The following CPT1A variants were observed in gnomAD, a reference collection of about 807,000 sequenced individuals.
The protein encoded by CPT1A is carnitine palmitoyltransferase 1A, also known as carnitine O-palmitoyltransferase 1, liver isoform.
In CPT1A, 64 loss-of-function variants were observed where a neutral mutation model predicts 100.8. That is an observed-to-expected ratio of 0.63 (90% CI 0.52 to 0.78). CPT1A has a LOEUF of 0.78. CPT1A is among the 30% of genes least tolerant of loss of function. CPT1A has a pLI of 0.00. For synonymous variants in CPT1A, 363 were observed against 396.0 expected (o/e 0.92, Z 0.99); for missense variants, 802 against 1,034.1 (o/e 0.78, Z 3.08).
chr11:68,804,459 G>A (rs1178533737), intron 4 of CPT1A, among the ~76,000 whole-genome samples: 1 of 152,100 alleles, frequency 6.6e-6, no homozygotes, highest in Non-Finnish European at 1.5e-5. Context: ...ATGGTGGCAT[G>A]TGCCTGTTGT....
At chr11:68,827,896 G>A (rs11828395) in intron 1 of CPT1A, among the ~76,000 whole-genome samples, 1 of 152,128 alleles carries the variant, frequency 6.6e-6, no homozygotes, top group Non-Finnish European at 1.5e-5. Context: ...CCCTGGCCCT[G>A]CTGTCCTGCA....
chr11:68,801,596 C>A lies in CPT1A; in HGVS notation c.556-2241G>T, dbSNP rs192117937. Reference sequence around the variant, plus strand: ...AGTGAGCTGAGATCATGCCACTGCACCCTAGCCTGGGTGACAGAGCAAGAC... The same window carrying A: ...AGTGAGCTGAGATCATGCCACTGCAACCTAGCCTGGGTGACAGAGCAAGAC... On this transcript the variant is annotated intron_variant, in intron 5 of 18. Transcript: ENST00000265641. Among the ~76,000 whole-genome samples, 550 of 149,668 alleles carry A rather than the reference C, an allele frequency of 3.7e-3. 1 individual carries two copies. The highest frequency in any genetic ancestry group is 6.5e-3 in the Non-Finnish European group (442 of 67,860).
At chr11:68,822,107 G>A (rs947692962) in intron 1 of CPT1A, among the ~76,000 whole-genome samples, 6 of 152,138 alleles carry the variant, frequency 3.9e-5, no homozygotes, top group African/African-American at 9.7e-5. Flanking sequence ...GCCTGGCACC[G>A]TGGCTCACAC....
chr11:68,773,625 T>TA (rs1855056870), intron 13 of CPT1A, 196 bp from the exon 14 acceptor site: 3 of 901,004 alleles, frequency 3.3e-6, no homozygotes, highest in Non-Finnish European at 4.9e-6. Flanking sequence ...GCTGCAATGT[T>TA]ATAGCAGGTA....
chr11:68,795,044 G>C, intron 7 of CPT1A, 133 bp from the exon 8 acceptor site: 1 of 724,294 alleles, frequency 1.4e-6, no homozygotes, highest in South Asian at 1.5e-5. Flanking sequence ...GGTTACATCT[G>C]CAATGCTACA....
At chr11:68,785,450 A>C (rs1855431981) in intron 9 of CPT1A, among the ~76,000 whole-genome samples, 1 of 151,408 alleles carries the variant, frequency 6.6e-6, no homozygotes, top group African/African-American at 2.4e-5. Context: ...AGTCCCAGCT[A>C]CTCGGGAGGC....
intron 1 of CPT1A, among the ~76,000 whole-genome samples, chr11:68,819,332 G>C (rs756661801): frequency 6.6e-6 from 1 of 152,070 alleles, no homozygotes; most frequent in African/African-American, 2.4e-5. Flanking sequence ...CGCCCACCTC[G>C]GCCTCCCAAA....
chr11:68,800,392 G>A (rs1258583434), intron 5 of CPT1A, among the ~76,000 whole-genome samples: 8 of 151,402 alleles, frequency 5.3e-5, no homozygotes, highest in Admixed American at 2.6e-4. Flanking sequence ...TGTAATCCCA[G>A]CACTTTGAGA....
intron 15 of CPT1A, among the ~76,000 whole-genome samples, 194 bp from the exon 16 acceptor site, chr11:68,761,881 G>T (rs947846406): frequency 5.9e-5 from 9 of 152,136 alleles, no homozygotes; most frequent in Non-Finnish European, 1.2e-4. Flanking sequence ...AAAGTACTGG[G>T]ATTACAGGCG....
chr11:68,821,872 G>GC (rs1371286020), intron 1 of CPT1A, among the ~76,000 whole-genome samples: 3 of 152,132 alleles, frequency 2.0e-5, no homozygotes, highest in Non-Finnish European at 4.4e-5. Context: ...GGGGACCACT[G>GC]CAAGTGTAAG....
At chr11:68,837,809 G>T (rs992973700) in intron 1 of CPT1A, among the ~76,000 whole-genome samples, 1 of 151,972 alleles carries the variant, frequency 6.6e-6, no homozygotes. Context: ...CTGGACAACA[G>T]AGCAAGACCT....
intron 1 of CPT1A, among the ~76,000 whole-genome samples, chr11:68,831,020 T>C (rs1856863006): frequency 6.6e-6 from 1 of 152,200 alleles, no homozygotes; most frequent in Non-Finnish European, 1.5e-5. Flanking sequence ...TGATAACACA[T>C]CTTCAATTTT....
intron 9 of CPT1A, among the ~76,000 whole-genome samples, chr11:68,788,937 C>T (rs764689049): frequency 6.6e-6 from 1 of 152,182 alleles, no homozygotes; most frequent in Admixed American, 6.5e-5. Flanking sequence ...CAAGCCAATT[C>T]TAGGTGCCTG....
intron 1 of CPT1A, among the ~76,000 whole-genome samples, chr11:68,835,979 G>C (rs115481896): frequency 6.1e-4 from 93 of 152,286 alleles, no homozygotes; most frequent in African/African-American, 2.2e-3. Context: ...CTTTCCAACT[G>C]TAGCCCTGTG....
At chr11:68,757,823 T>C (rs1012931560) in intron 18 of CPT1A, 93 bp from the exon 19 acceptor site, 10 of 1,054,076 alleles carry the variant, frequency 9.5e-6, no homozygotes, top group South Asian at 5.1e-5. Flanking sequence ...CAATGTTTCA[T>C]TGAAATTCCT....
chr11:68,780,955 G>A (rs146029949), intron 11 of CPT1A, among the ~76,000 whole-genome samples: 26 of 152,292 alleles, frequency 1.7e-4, no homozygotes, highest in African/African-American at 6.0e-4. Flanking sequence ...ACACAAAGAT[G>A]AGCGCTTATA....
At position 68,754,958 on chromosome 11, in the gene CPT1A, G is replaced by A. The variant is rs185442467; in HGVS notation, c.*2686C>T. On this transcript the variant is annotated 3_prime_UTR_variant, in exon 19 of 19. Transcript: ENST00000265641. ...TGCATTTCTAAGATTTACATCCAAAGAGCATACTGTATTTACATGCACCGG... is the reference window on the plus strand; with the variant it reads ...TGCATTTCTAAGATTTACATCCAAAAAGCATACTGTATTTACATGCACCGG... The A allele has an allele frequency of 7.5e-4, 541 of 722,340 alleles. 2 individuals carry two copies. The highest frequency in any genetic ancestry group is 4.7e-5 in the Non-Finnish European group (18 of 382,092). 44.7% of individuals were successfully genotyped at this position (722,340 alleles called of 1,614,324 possible).
chr11:68,837,782 C>T (rs988155138), intron 1 of CPT1A, among the ~76,000 whole-genome samples: 1 of 151,874 alleles, frequency 6.6e-6, no homozygotes, highest in Admixed American at 6.6e-5. Flanking sequence ...ACTATGATTG[C>T]GCCACGGCAC....
chr11:68,811,715 T>C (rs750237569), intron 3 of CPT1A, among the ~76,000 whole-genome samples: 1 of 152,160 alleles, frequency 6.6e-6, no homozygotes, highest in African/African-American at 2.4e-5. Flanking sequence ...GAGAGGTCAC[T>C]GCAGTGCAGG....
Sources: allele counts gnomAD v4.1 joint callset (sites outside exome capture counted in the v4.1 genomes callset), GRCh38; gene constraint gnomAD v4.1.1; transcripts MANE v1.5; gene names NCBI Gene and HGNC (gene_info 2026-07-23, HGNC 2026-07-21).